Variants in SOX6 observed in about 807,000 individuals in gnomAD.
SOX6 encodes SRY-box transcription factor 6.
SOX6 carries 11 observed loss-of-function variants against 97.8 expected under a neutral mutation model. That is an observed-to-expected ratio of 0.11 (90% confidence interval 0.07 to 0.19). SOX6 has a LOEUF of 0.19. Among genes scored for constraint, SOX6 ranks in the 10% least tolerant of loss-of-function variants. The pLI, the probability that SOX6 is intolerant of heterozygous loss-of-function variation, is 1.00. For missense variants in SOX6, 810 were observed against 1,039.5 expected, an observed-to-expected ratio of 0.78 and a Z score of 3.04; for synonymous variants, 360 against 371.4, an observed-to-expected ratio of 0.97 and a Z score of 0.35.
At chr11:16,235,701 T>A (rs1455855094) in intron 3 of SOX6, among the ~76,000 whole-genome samples, 3 of 152,160 alleles carry the variant, frequency 2.0e-5, no homozygotes, top group Non-Finnish European at 2.9e-5. Flanking sequence ...TATCAGCACC[T>A]ATCTCTTTAG....
rs534231257 is a variant in SOX6 at position 16,644,583 on chromosome 11, T to TGGGGG, written n.430-32328_430-32324dup. On this transcript the variant is annotated intron_variant and non_coding_transcript_variant, in intron 3 of 5. Transcript: ENST00000524520. ...TGCATTCATTTCATTCCAAGGTTATTGGGGGGGTAGAGATTTAAACTATTA... is the reference window on the plus strand; with the variant it reads ...TGCATTCATTTCATTCCAAGGTTATTGGGGGGGGGGGGTAGAGATTTAAACTATTA... Among the ~76,000 whole-genome samples, 489 of 151,856 alleles carry TGGGGG rather than the reference T, an allele frequency of 3.2e-3. 3 individuals are homozygous for TGGGGG. The highest frequency in any genetic ancestry group is 0.011 in the African/African-American group (461 of 41,178).
At chr11:16,105,479 G>A (rs578043174) in intron 7 of SOX6, among the ~76,000 whole-genome samples, 1 of 152,166 alleles carries the variant, frequency 6.6e-6, no homozygotes, top group South Asian at 2.1e-4. Flanking sequence ...GAGGTAGAAA[G>A]ATTGCTTGAA....
intron 1 of SOX6, among the ~76,000 whole-genome samples, chr11:16,445,619 G>A (rs746114218): frequency 7.2e-5 from 11 of 151,930 alleles, no homozygotes; most frequent in Non-Finnish European, 1.0e-4. Context: ...GCATATTTTT[G>A]TGCAATACTT....
intron 1 of SOX6, among the ~76,000 whole-genome samples, chr11:16,350,958 A>T (rs1202993132): frequency 1.3e-5 from 2 of 152,088 alleles, no homozygotes; most frequent in Non-Finnish European, 2.9e-5. Context: ...ATAGATAATC[A>T]CAGAAAATAC....
chr11:16,638,158 T>C (rs937134173), intron 3 of SOX6, among the ~76,000 whole-genome samples: 5 of 150,654 alleles, frequency 3.3e-5, no homozygotes, highest in Non-Finnish European at 7.4e-5. Flanking sequence ...ATGCGGTGTT[T>C]GGTTTTTTGT....
chr11:16,653,918 TA>T (rs1284885816), intron 3 of SOX6, among the ~76,000 whole-genome samples: 1 of 151,736 alleles, frequency 6.6e-6, no homozygotes, highest in East Asian at 1.9e-4. Context: ...TTACATAAAA[TA>T]TTTATATAAA....
intron 6 of SOX6, among the ~76,000 whole-genome samples, chr11:16,178,846 T>A (rs1397559022): frequency 4.6e-5 from 7 of 151,902 alleles, no homozygotes. Flanking sequence ...ACAGAGGGAC[T>A]ATGTGGGATT....
intron 9 of SOX6, among the ~76,000 whole-genome samples, chr11:16,063,191 T>C (rs1418968849): frequency 6.6e-6 from 1 of 151,484 alleles, no homozygotes; most frequent in Non-Finnish European, 1.5e-5. Context: ...TTGTGTGCTG[T>C]GGCTAGCTTT....
At chr11:16,403,340 C>G (rs913308810) in intron 1 of SOX6, among the ~76,000 whole-genome samples, 7 of 151,670 alleles carry the variant, frequency 4.6e-5, no homozygotes, top group Admixed American at 2.6e-4. Context: ...TTGTTGTGGA[C>G]TTGAAAAATA....
intron 1 of SOX6, among the ~76,000 whole-genome samples, chr11:16,406,847 C>T (rs1444615460): frequency 3.9e-5 from 6 of 152,102 alleles, no homozygotes; most frequent in African/African-American, 1.4e-4. Flanking sequence ...TTAACTAATG[C>T]TGTCTACATA....
At chr11:16,325,714 T>TA (rs1289304714) in intron 2 of SOX6, among the ~76,000 whole-genome samples, 5 of 152,118 alleles carry the variant, frequency 3.3e-5, no homozygotes, top group Non-Finnish European at 7.4e-5. Flanking sequence ...TCACATAAGC[T>TA]AAAATCTAGA....
chr11:16,114,484 T>C (rs1426776505), intron 6 of SOX6, among the ~76,000 whole-genome samples: 2 of 152,202 alleles, frequency 1.3e-5, no homozygotes, highest in Non-Finnish European at 1.5e-5. Context: ...TCACAGTAAA[T>C]CCTTGTTAGA....
At chr11:16,344,302 A>G (rs1856718387) in intron 1 of SOX6, among the ~76,000 whole-genome samples, 1 of 151,858 alleles carries the variant, frequency 6.6e-6, no homozygotes, top group Admixed American at 6.6e-5. Context: ...AAATGTGCAC[A>G]AATTGTTTTT....
At chr11:16,093,852 G>A (rs537730907) in intron 9 of SOX6, among the ~76,000 whole-genome samples, 4 of 151,956 alleles carry the variant, frequency 2.6e-5, no homozygotes, top group African/African-American at 4.8e-5. Flanking sequence ...GATTTAAAAC[G>A]TTACTATCTA....
chr11:16,299,221 C>T (rs1205013707), intron 3 of SOX6, among the ~76,000 whole-genome samples: 5 of 152,072 alleles, frequency 3.3e-5, no homozygotes, highest in South Asian at 2.1e-4. Flanking sequence ...TTCTACTGCA[C>T]GAAAATAAAG....
At chr11:16,441,627 C>G (rs1323778954) in intron 1 of SOX6, among the ~76,000 whole-genome samples, 1 of 152,120 alleles carries the variant, frequency 6.6e-6, no homozygotes, top group Admixed American at 6.6e-5. Flanking sequence ...AAAATATCCT[C>G]AATGTATGGC....
At chr11:16,292,862 T>G (rs1419564746) in intron 3 of SOX6, among the ~76,000 whole-genome samples, 1 of 152,154 alleles carries the variant, frequency 6.6e-6, no homozygotes, top group Non-Finnish European at 1.5e-5. Flanking sequence ...CACTGAATAG[T>G]TTAACGCTCG....
chr11:16,250,566 C>A (rs1853479045), intron 3 of SOX6, among the ~76,000 whole-genome samples: 2 of 151,990 alleles, frequency 1.3e-5, no homozygotes, highest in African/African-American at 4.8e-5. Context: ...TCCAAAAAAG[C>A]TGATGTAGAT....
chr11:16,111,994 C>T, intron 6 of SOX6, 71 bp from the exon 7 acceptor site: 1 of 1,597,288 alleles, frequency 6.3e-7, no homozygotes, highest in Non-Finnish European at 8.5e-7. Context: ...GTTTTTCACT[C>T]CTGGTGGTGT....
Sources: gnomAD v4.1 joint callset for allele counts (sites outside exome capture counted in the v4.1 genomes callset) on GRCh38, gnomAD v4.1.1 for gene constraint, MANE v1.5 for transcripts, NCBI Gene and HGNC (gene_info 2026-07-23, HGNC 2026-07-21) for gene names.